Variants in MCMDC2 observed in about 807,000 individuals in gnomAD.
MCMDC2 encodes minichromosome maintenance domain containing 2.
A neutral mutation model predicts 75.8 loss-of-function variants in MCMDC2; 54 were observed. The ratio of observed to expected loss-of-function variants is 0.71; its 90% CI spans 0.57 to 0.89. The LOEUF (loss-of-function observed/expected upper bound fraction) is 0.89, where lower values mean the gene tolerates loss of function less well. MCMDC2 is among the 40% of genes least tolerant of loss of function. The pLI is 0.00. For synonymous variants in MCMDC2, 249 were observed against 274.6 expected (o/e 0.91, Z 0.92); for missense variants, 656 against 780.4 (o/e 0.84, Z 1.90).
intron 14 of MCMDC2, among the ~76,000 whole-genome samples, chr8:66,910,426 C>T (rs1813059433): frequency 6.6e-6 from 1 of 152,222 alleles, no homozygotes; most frequent in Non-Finnish European, 1.5e-5. Flanking sequence ...GCCACGGGGG[C>T]AGAGCTGCCC....
intron 10 of MCMDC2, among the ~76,000 whole-genome samples, chr8:66,892,003 A>G (rs970058290): frequency 3.9e-5 from 6 of 152,238 alleles, no homozygotes; most frequent in Non-Finnish European, 5.9e-5. Context: ...AAGGGGCTGC[A>G]GGGAAGCATG....
chr8:66,910,411 A>G (rs1813058714), intron 14 of MCMDC2, among the ~76,000 whole-genome samples: 1 of 152,234 alleles, frequency 6.6e-6, no homozygotes, highest in East Asian at 1.9e-4. Context: ...GCTGTGCCCT[A>G]CAAAGCCACG....
chr8:66,902,692 CAAA>C (rs530805303), intron 13 of MCMDC2, among the ~76,000 whole-genome samples: 135 of 57,214 alleles, frequency 2.4e-3, no homozygotes, highest in African/African-American at 9.6e-3. Context: ...GATTCTGTCT[CAAA>C]AAAAAAAAAA....
At chr8:66,923,101 T>C (rs1813613912), downstream of MCMDC2, among the ~76,000 whole-genome samples, 1 of 152,234 alleles carries the variant, frequency 6.6e-6, no homozygotes, top group East Asian at 1.9e-4. Context: ...ATAATGGTCA[T>C]AGTGAGTACA....
chr8:66,887,674 G>T (rs1811909382), intron 9 of MCMDC2, among the ~76,000 whole-genome samples: 1 of 152,146 alleles, frequency 6.6e-6, no homozygotes, highest in Admixed American at 6.6e-5. Context: ...GATAAGTCTT[G>T]CTAGGCTGGT....
chr8:66,918,222 C>T lies in MCMDC2; in HGVS notation c.1880-781C>T, dbSNP rs188676907. ...TCTTTAGAGAAACGATATTAGTTCTCCGCCTATTTTTTAATGATTATTTTC... is the reference window on the plus strand; with the variant it reads ...TCTTTAGAGAAACGATATTAGTTCTTCGCCTATTTTTTAATGATTATTTTC... On this transcript the variant is annotated intron_variant, in intron 14 of 14. Coordinates refer to ENST00000422365, the MANE Select transcript of MCMDC2 (RefSeq NM_173518.5). 6.7e-3 allele frequency among the ~76,000 whole-genome samples: 1,022 copies of T among 152,180 alleles called. 9 individuals carry two copies. Among genetic ancestry groups the T allele is most frequent in the Admixed American group, 0.01 (157 of 15,278 alleles).
chr8:66,911,716 C>T (rs1253542166), intron 14 of MCMDC2, among the ~76,000 whole-genome samples: 2 of 151,768 alleles, frequency 1.3e-5, no homozygotes, highest in Non-Finnish European at 2.9e-5. Context: ...ACCAGCTACT[C>T]AGGAGACTGA....
At chr8:66,906,769 T>TTTA (rs947036214) in intron 14 of MCMDC2, among the ~76,000 whole-genome samples, 184 of 151,582 alleles carry the variant, frequency 1.2e-3, no homozygotes, top group African/African-American at 4.3e-3. Flanking sequence ...TAAATTATTA[T>TTTA]TTATTATTAT....
chr8:66,877,144 T>C (rs766510052), intron 4 of MCMDC2, among the ~76,000 whole-genome samples: 17 of 152,210 alleles, frequency 1.1e-4, no homozygotes, highest in Non-Finnish European at 2.2e-4. Context: ...TTCATAATGC[T>C]ATTTTCAATT....
chr8:66,886,522 C>T (rs920444691), intron 9 of MCMDC2, among the ~76,000 whole-genome samples: 8 of 152,002 alleles, frequency 5.3e-5, no homozygotes, highest in African/African-American at 1.9e-4. Flanking sequence ...ACTGTAATCT[C>T]AGCACTTTGG....
intron 10 of MCMDC2, among the ~76,000 whole-genome samples, chr8:66,893,539 G>A (rs1424685977): frequency 2.0e-5 from 3 of 152,102 alleles, no homozygotes; most frequent in Non-Finnish European, 4.4e-5. Context: ...AAGAGAAGAG[G>A]GCTTGTGCAG....
intron 12 of MCMDC2, among the ~76,000 whole-genome samples, chr8:66,899,925 C>T (rs1331587349): frequency 4.0e-5 from 6 of 149,640 alleles, no homozygotes; most frequent in East Asian, 2.0e-4. Flanking sequence ...AGTTCGAGAC[C>T]AGCCTGGCCA....
chr8:66,902,491 C>T (rs1309323576), intron 13 of MCMDC2, among the ~76,000 whole-genome samples: 1 of 150,418 alleles, frequency 6.6e-6, no homozygotes, highest in Admixed American at 6.6e-5. Flanking sequence ...GAGTTTGAGC[C>T]CAGCCTGGCC....
intron 7 of MCMDC2, among the ~76,000 whole-genome samples, 161 bp downstream of exon 7, chr8:66,879,080 A>AC (rs992213125): frequency 3.9e-5 from 6 of 151,954 alleles, no homozygotes; most frequent in African/African-American, 1.5e-4. Flanking sequence ...ATATAGTGAG[A>AC]CCCCATCTCT....
At chr8:66,881,017 T>G (rs1383391587) in intron 8 of MCMDC2, 43 bp downstream of exon 8, 1 of 1,344,232 alleles carries the variant, frequency 7.4e-7, no homozygotes, top group Non-Finnish European at 9.7e-7. Flanking sequence ...ATATTTAAAT[T>G]TAAATCTATT....
chr8:66,875,179 A>G (rs1330152928), intron 4 of MCMDC2, among the ~76,000 whole-genome samples: 1 of 152,196 alleles, frequency 6.6e-6, no homozygotes, highest in African/African-American at 2.4e-5. Flanking sequence ...TCATACCTGC[A>G]TCATCAATTT....
At chr8:66,901,531 A>G (rs749284876) in intron 13 of MCMDC2, 183 bp downstream of exon 13, 104 of 1,292,482 alleles carry the variant, frequency 8.0e-5, no homozygotes, top group Non-Finnish European at 1.0e-4. Flanking sequence ...ATGTTACATC[A>G]TTTTAATCTC....
In MCMDC2 at chr8:66,878,623, G is replaced by C. The variant is rs760897815; in HGVS notation, c.531G>C (p.Thr177=). Residue 177 remains threonine, a synonymous_variant, in exon 6 of 15, where the codon ACG becomes ACC. Transcript: ENST00000422365. ...VHVPGATESA[T]IRNDFLCNLC... is the part of the protein sequence containing the mutation. ...TGCCTGGTGCTACAGAATCTGCAAC[G>C]ATAAGAAATGACTTTTTGTGTAATC... The C allele has an allele frequency of 1.9e-6, 3 of 1,569,918 alleles. No homozygotes were observed. The highest frequency in any genetic ancestry group is 8.6e-7 in the Non-Finnish European group (1 of 1,165,182).
downstream of MCMDC2, among the ~76,000 whole-genome samples, chr8:66,924,829 T>G (rs535419231): frequency 6.6e-6 from 1 of 152,264 alleles, no homozygotes; most frequent in East Asian, 1.9e-4. Flanking sequence ...GCCTTGACTT[T>G]AGCGCGTATT....
Sources: gnomAD v4.1 joint callset for allele counts (sites outside exome capture counted in the v4.1 genomes callset) on GRCh38, gnomAD v4.1.1 for gene constraint, MANE v1.5 for transcripts, NCBI Gene and HGNC (gene_info 2026-07-23, HGNC 2026-07-21) for gene names.